The following KYAT3 variants were observed in gnomAD, a reference collection of about 807,000 sequenced individuals.
KYAT3 encodes the protein kynurenine aminotransferase 3, also known as kynurenine--oxoglutarate transaminase 3.
KYAT3 carries 50 observed loss-of-function variants against 59.0 expected under a neutral mutation model. That is an observed-to-expected ratio of 0.85 (90% CI 0.68 to 1.07). KYAT3 has a LOEUF of 1.07. Ranked by LOEUF, KYAT3 falls within the 50% of genes least tolerant of loss-of-function variation. The pLI is 0.00. For missense variants in KYAT3, 497 were observed against 533.3 expected (o/e 0.93, Z 0.67); for synonymous variants, 148 against 177.0 (o/e 0.84, Z 1.30).
chr1:88,947,670 C>T (rs6663465), intron 11 of KYAT3, among the ~76,000 whole-genome samples: 70,117 of 152,094 alleles, frequency 0.46, 16,319 homozygotes, highest in Admixed American at 0.5. Context: ...CTAGAGTTTA[C>T]AGCCACTTTC....
chr1:88,929,095 G>C, the KYAT3 span, among the ~76,000 whole-genome samples: 3 of 152,014 alleles, frequency 2.0e-5, no homozygotes, highest in African/African-American at 7.3e-5. Context: ...TCCTGCTCAA[G>C]TTAAACTAAA....
chr1:88,964,778 A>T, intron 5 of KYAT3, 51 bp downstream of exon 5: 3 of 1,361,796 alleles, frequency 2.2e-6, no homozygotes, highest in Non-Finnish European at 3.1e-6. Flanking sequence ...CAAAGGTGGG[A>T]CAAATGATAA....
downstream of KYAT3, among the ~76,000 whole-genome samples, chr1:88,935,507 C>T (rs72963534): frequency 0.024 from 3,601 of 152,200 alleles, 132 homozygotes; most frequent in African/African-American, 0.082. Context: ...CCTCAGGGAG[C>T]GACCAAGGCA....
At chr1:88,964,777 G>T in intron 5 of KYAT3, 52 bp downstream of exon 5, 2 of 1,359,048 alleles carry the variant, frequency 1.5e-6, no homozygotes, top group Non-Finnish European at 1.0e-6. Context: ...TCAAAGGTGG[G>T]ACAAATGATA....
intron 13 of KYAT3, among the ~76,000 whole-genome samples, chr1:88,941,090 TA>T (rs1159287925): frequency 6.6e-6 from 1 of 152,250 alleles, no homozygotes; most frequent in Non-Finnish European, 1.5e-5. Context: ...CTGGAAGTCC[TA>T]CGTTACTTCT....
At position 88,935,855 on chromosome 1, in the gene KYAT3, A is replaced by G. The variant is rs950281971; in HGVS notation, c.*328T>C. The G allele has an allele frequency of 5.4e-5, 22 of 408,546 alleles. No homozygotes were observed. Among genetic ancestry groups the G allele is most frequent in the Non-Finnish European group, 9.1e-5 (21 of 231,170 alleles). The allele number at this position is 408,546 out of a possible 1,614,324, so 25.3% of individuals were successfully genotyped here. On this transcript the variant is annotated 3_prime_UTR_variant, in exon 14 of 14. Coordinates refer to ENST00000260508, the MANE Select transcript of KYAT3 (RefSeq NM_001008661.3). ...CATTTAATTCTCAGAAACGACCTTC[A>G]TATGAAACAGGTACTGATTTTATTC...
chr1:88,934,920 T>C (rs1220730294), downstream of KYAT3, among the ~76,000 whole-genome samples: 1 of 151,892 alleles, frequency 6.6e-6, no homozygotes, highest in African/African-American at 2.4e-5. Context: ...TAGATTCTAA[T>C]GAAAGAAGGT....
the KYAT3 span, among the ~76,000 whole-genome samples, chr1:88,930,357 C>T: frequency 3.3e-5 from 5 of 152,186 alleles, no homozygotes; most frequent in African/African-American, 4.8e-5. Flanking sequence ...TGCGACTGTG[C>T]ACTTGCGCAA....
intron 2 of KYAT3, among the ~76,000 whole-genome samples, chr1:88,973,707 T>A (rs568220854): frequency 6.6e-6 from 1 of 152,222 alleles, no homozygotes; most frequent in South Asian, 2.1e-4. Context: ...AACAATGAAG[T>A]TCTAGAAATT....
the KYAT3 span, chr1:88,923,848 C>T: frequency 4.4e-3 from 782 of 177,626 alleles, 9 homozygotes; most frequent in African/African-American, 0.017. Flanking sequence ...TCTTTAACTG[C>T]GATGGCTGCT....
At chr1:88,962,278 T>A (rs1054492021) in intron 5 of KYAT3, 133 bp from the exon 6 acceptor site, 3 of 676,668 alleles carry the variant, frequency 4.4e-6, no homozygotes, top group Non-Finnish European at 7.8e-6. Context: ...TTTGCCCTTG[T>A]GGAGCTAACA....
At chr1:88,945,138 C>T (rs1235001134) in intron 11 of KYAT3, among the ~76,000 whole-genome samples, 1 of 150,058 alleles carries the variant, frequency 6.7e-6, no homozygotes, top group Admixed American at 6.6e-5. Flanking sequence ...GCCATGGTAC[C>T]CTGCCAGAAA....
intron 12 of KYAT3, 121 bp downstream of exon 12, chr1:88,943,229 C>G (rs1207478622): frequency 1.0e-6 from 1 of 995,568 alleles, no homozygotes; most frequent in Non-Finnish European, 1.5e-6. Flanking sequence ...CTTTTAAAAG[C>G]CACAAGTGGA....
chr1:88,949,640 G>A (rs1675595916), intron 10 of KYAT3, among the ~76,000 whole-genome samples: 1 of 152,212 alleles, frequency 6.6e-6, no homozygotes, highest in Non-Finnish European at 1.5e-5. Context: ...CCAGAGAGTA[G>A]TCAGCCTCTC....
chr1:88,990,254 T>C (rs182185997), intron 1 of KYAT3, among the ~76,000 whole-genome samples: 27 of 109,538 alleles, frequency 2.5e-4, no homozygotes, highest in Admixed American at 1.4e-3. Flanking sequence ...TCAACTTTGT[T>C]TGTCTCTCCC....
At chr1:88,959,742 A>T (rs1676070799) in intron 8 of KYAT3, among the ~76,000 whole-genome samples, 1 of 151,500 alleles carries the variant, frequency 6.6e-6, no homozygotes, top group Admixed American at 6.6e-5. Flanking sequence ...TTCTCTGTTT[A>T]GCTAATTCTC....
At chr1:88,984,273 G>A (rs1158479592) in intron 2 of KYAT3, among the ~76,000 whole-genome samples, 3 of 139,264 alleles carry the variant, frequency 2.2e-5, no homozygotes, top group African/African-American at 2.8e-5. Flanking sequence ...GGAGTGCAGC[G>A]GCGCAATCTT....
At position 88,964,944 on chromosome 1, in the gene KYAT3, A is replaced by G. The variant is rs150167083; in HGVS notation, c.338T>C (p.Leu113Pro). The G allele has an allele frequency of 1.3e-5, 21 of 1,607,080 alleles. No homozygotes were observed. The highest frequency in any genetic ancestry group is 1.7e-4 in the Middle Eastern group (1 of 6,058). ...TTGCTTTTGATAAAGCTTTTCATACAGATAGGACAGAGCTTTCACAAGTGA... is the reference window on the plus strand; with the variant it reads ...TTGCTTTTGATAAAGCTTTTCATACGGATAGGACAGAGCTTTCACAAGTGA... The part of the protein sequence containing the change: ...HPSLVKALSY[L>P]YEKLYQKQID... The change falls in exon 5 of 14, where the codon CTG becomes CCG. Residue 113 changes from leucine (L) to proline (P), a missense_variant. Physicochemically the swap from Leu to Pro is moderately conservative, Grantham distance 98. Transcript: ENST00000260508.
intron 13 of KYAT3, among the ~76,000 whole-genome samples, 197 bp downstream of exon 13, chr1:88,942,808 C>T (rs551934500): frequency 2.0e-5 from 3 of 152,042 alleles, no homozygotes; most frequent in Non-Finnish European, 2.9e-5. Flanking sequence ...GTGATCAGCC[C>T]GCCTCGGCCT....
Sources: allele counts gnomAD v4.1 joint callset (sites outside exome capture counted in the v4.1 genomes callset), GRCh38; gene constraint gnomAD v4.1.1; transcripts MANE v1.5; gene names NCBI Gene and HGNC (gene_info 2026-07-23, HGNC 2026-07-21).